Variants in GCC2 observed in about 807,000 individuals in gnomAD.
GCC2 encodes the protein GRIP and coiled-coil domain containing 2.
In GCC2, 120 loss-of-function variants were observed where a neutral mutation model predicts 210.6. That is an observed-to-expected ratio of 0.57 (90% CI 0.49 to 0.66). GCC2 has a LOEUF of 0.66. Among genes scored for constraint, GCC2 ranks in the 30% least tolerant of loss-of-function variants. GCC2 has a pLI of 0.00. For synonymous variants in GCC2, 703 were observed against 652.7 expected (o/e 1.08, Z -1.17); for missense variants, 1,868 against 1,871.9 (o/e 1.00, Z 0.04).
At chr2:108,477,923 G>A (rs1467304573) in intron 9 of GCC2, among the ~76,000 whole-genome samples, 3 of 152,178 alleles carry the variant, frequency 2.0e-5, no homozygotes, top group African/African-American at 4.8e-5. Flanking sequence ...GCACACACCT[G>A]TAGTCCTAGC....
intron 22 of GCC2, among the ~76,000 whole-genome samples, chr2:108,502,173 T>C (rs1030780265): frequency 6.6e-6 from 1 of 152,204 alleles, no homozygotes; most frequent in African/African-American, 2.4e-5. Context: ...TTTATAGTTA[T>C]AAAATCAACC....
rs767581549 is a variant in GCC2 at position 108,482,328 on chromosome 2, T to C, written c.3222T>C (p.Arg1074=). The C allele has an allele frequency of 1.0e-5, 16 of 1,592,640 alleles. No homozygotes were observed. Among genetic ancestry groups the C allele is most frequent in the South Asian group, 6.7e-5 (6 of 89,606 alleles). The change falls in exon 11 of 23, where the codon CGT becomes CGC. Residue 1074 remains arginine (R), a synonymous_variant. Coordinates refer to ENST00000309863, the MANE Select transcript of GCC2 (RefSeq NM_181453.4). The stretch of plus-strand genomic sequence containing the variant: ...CTGATAATGAAGATCTCCTGGCTCG[T>C]ATTGAGACATTACAGTCTAATGCCA... ...INSDNEDLLA[R]IETLQSNAKL...
Position 108,497,125 on chromosome 2 carries a change from C to G in GCC2, c.4782+16C>G. ...GCAAATTAAGGTGAGATCAGAAAAC[C>G]TGGCCGCCGTGAAAACCGCCAGTTT... On this transcript the variant is annotated intron_variant, in intron 21 of 22. Coordinates refer to ENST00000309863, the MANE Select transcript of GCC2 (RefSeq NM_181453.4). 1 of 1,611,922 alleles carries G rather than the reference C, an allele frequency of 6.2e-7. No individual in the cohort carries two copies. Among genetic ancestry groups the G allele is most frequent in the East Asian group, 2.2e-5 (1 of 44,878 alleles).
At chr2:108,464,057 C>T (rs767853173) in intron 4 of GCC2, among the ~76,000 whole-genome samples, 7 of 152,132 alleles carry the variant, frequency 4.6e-5, no homozygotes, top group South Asian at 2.1e-4. Flanking sequence ...CCTTAGGTTC[C>T]TCGGTGGTGC....
rs921626324 is a variant in GCC2, at chr2:108,449,338, G to A, written c.6+58G>A. On this transcript the variant is annotated intron_variant, in intron 1 of 22. Coordinates refer to ENST00000309863, the MANE Select transcript of GCC2 (RefSeq NM_181453.4). ...AGCCTTCCGCGCCGCGATTTGGGAT[G>A]TGGGAGTGGGCCCGATGGGAGGGCG... 14 of 1,535,266 alleles carry A rather than the reference G, an allele frequency of 9.1e-6. No homozygotes were observed. In the African/African-American group the frequency reaches 1.9e-4, roughly 21 times the overall value.
chr2:108,503,047 T>C (rs1683007737), intron 22 of GCC2, among the ~76,000 whole-genome samples: 1 of 151,854 alleles, frequency 6.6e-6, no homozygotes. Flanking sequence ...CTAATTGAAG[T>C]TCTAAAAGGA....
At chr2:108,482,746 A>C (rs1681934117) in intron 11 of GCC2, among the ~76,000 whole-genome samples, 1 of 151,780 alleles carries the variant, frequency 6.6e-6, no homozygotes, top group Non-Finnish European at 1.5e-5. Context: ...GCGCAATCTC[A>C]GCTCACTGCA....
intron 3 of GCC2, among the ~76,000 whole-genome samples, chr2:108,451,931 C>T (rs1679970797): frequency 1.3e-5 from 2 of 151,040 alleles, no homozygotes; most frequent in South Asian, 4.2e-4. Flanking sequence ...GCAACCTCCC[C>T]TTCCCGGGTT....
chr2:108,464,905 G>C (rs1364275341), intron 4 of GCC2, among the ~76,000 whole-genome samples: 2 of 152,142 alleles, frequency 1.3e-5, no homozygotes, highest in Non-Finnish European at 2.9e-5. Flanking sequence ...TTTATTTATG[G>C]CAGAAGGCAA....
chr2:108,501,277 G>A (rs2917984), intron 22 of GCC2, among the ~76,000 whole-genome samples: 81,494 of 151,512 alleles, frequency 0.54, 23,014 homozygotes, highest in East Asian at 0.94. Flanking sequence ...GAGCCACCAC[G>A]CCCAGCCATT....
intron 4 of GCC2, among the ~76,000 whole-genome samples, chr2:108,466,566 G>A (rs113883324): frequency 5.3e-5 from 8 of 151,840 alleles, no homozygotes; most frequent in African/African-American, 1.2e-4. Context: ...TCCATCTCCC[G>A]GGTTCATGCC....
chr2:108,488,723 G>A (rs1169029447), intron 17 of GCC2, among the ~76,000 whole-genome samples: 1 of 152,102 alleles, frequency 6.6e-6, no homozygotes, highest in Admixed American at 6.6e-5. Flanking sequence ...GCATTCCATG[G>A]CATCTGTGTT....
At chr2:108,469,282 G>A (rs1260535383) in intron 5 of GCC2, 198 bp downstream of exon 5, 1 of 442,504 alleles carries the variant, frequency 2.3e-6, no homozygotes, top group Admixed American at 3.8e-5. Flanking sequence ...TACTTTTGTT[G>A]CATTATCTTT....
chr2:108,472,793 T>C, intron 6 of GCC2, 34 bp from the exon 7 acceptor site: 2 of 1,256,092 alleles, frequency 1.6e-6, no homozygotes, highest in Non-Finnish European at 2.3e-6. Flanking sequence ...GTTTTTGTTT[T>C]GTTTTGTGTT....
In GCC2 at chr2:108,449,248, T is replaced by C. The variant is rs887917053; in HGVS notation, c.-27T>C. The C allele has an allele frequency of 6.5e-7, 1 of 1,548,690 alleles. No individual in the cohort carries two copies. ...GAAGTGCAGCGGTGGCGGCGGCTGGTTGCGGGCCGGCGGCGGGCTGGCGGA... is the reference window on the plus strand; with the variant it reads ...GAAGTGCAGCGGTGGCGGCGGCTGGCTGCGGGCCGGCGGCGGGCTGGCGGA... On this transcript the variant is annotated 5_prime_UTR_variant, in exon 1 of 23. Transcript: ENST00000309863.
Position 108,508,643 on chromosome 2 carries a change from G to T in GCC2, c.*1013G>T, listed in dbSNP as rs577767300. 6.6e-6 allele frequency: 1 copy of T among 151,898 alleles called. No homozygotes were observed. The highest frequency in any genetic ancestry group is 1.5e-5 in the Non-Finnish European group (1 of 67,914). The allele number at this position is 151,898 out of a possible 1,614,324, so 9.4% of individuals were successfully genotyped here. ...TAAAAGTGGTGCTTTCAGTGTTTTT[G>T]GCAGATAGTGTTCCATAAGCTTTCC... is the stretch of plus-strand genomic sequence containing the variant. On this transcript the variant is annotated 3_prime_UTR_variant, in exon 23 of 23. Transcript: ENST00000309863.
chr2:108,456,136 C>T (rs1490727875), intron 4 of GCC2, among the ~76,000 whole-genome samples: 1 of 152,180 alleles, frequency 6.6e-6, no homozygotes, highest in Admixed American at 6.5e-5. Flanking sequence ...AGGCGCCGGC[C>T]ACCAAGCCTG....
intron 4 of GCC2, among the ~76,000 whole-genome samples, chr2:108,459,743 G>GTCTTTT (rs1680455856): frequency 6.5e-5 from 1 of 15,492 alleles, no homozygotes; most frequent in Non-Finnish European, 1.3e-4. Context: ...GACCTTCTTT[G>GTCTTTT]TCTTTTTTTT....
chr2:108,507,634 G>A lies in GCC2; in HGVS notation c.*4G>A. Reference sequence around the variant, plus strand: ...TAGTTGGTCTGGACTTCGATAGGTTGATGGAAGGAATATTTTTATTAACCA... The same window carrying A: ...TAGTTGGTCTGGACTTCGATAGGTTAATGGAAGGAATATTTTTATTAACCA... On this transcript the variant is annotated 3_prime_UTR_variant, in exon 23 of 23. Transcript: ENST00000309863. 1 of 1,545,314 alleles carries A rather than the reference G, an allele frequency of 6.5e-7. No homozygotes were observed. Among genetic ancestry groups the A allele is most frequent in the Non-Finnish European group, 8.9e-7 (1 of 1,128,250 alleles).
Sources: gnomAD v4.1 joint callset for allele counts (sites outside exome capture counted in the v4.1 genomes callset) on GRCh38, gnomAD v4.1.1 for gene constraint, MANE v1.5 for transcripts, NCBI Gene and HGNC (gene_info 2026-07-23, HGNC 2026-07-21) for gene names.